Variants in SERPINA12 observed in about 807,000 individuals in gnomAD.
SERPINA12 encodes serpin family A member 12.
In SERPINA12, 21 loss-of-function variants were observed where a neutral mutation model predicts 25.9. The observed-to-expected ratio is 0.81, with a 90% CI of 0.58 to 1.17. The LOEUF is 1.17. Among genes scored for constraint, SERPINA12 ranks in the 50% most tolerant of loss-of-function variants. SERPINA12 has a pLI of 0.00. For missense variants in SERPINA12, 562 were observed against 508.3 expected (o/e 1.11, Z -1.02); for synonymous variants, 220 against 196.0 (o/e 1.12, Z -1.02).
chr14:94,496,778 C>T (rs2139851627), intron 2 of SERPINA12, 135 bp from the exon 3 acceptor site: 3 of 718,324 alleles, frequency 4.2e-6, no homozygotes, highest in Non-Finnish European at 6.9e-6. Context: ...AAGTCCTTGC[C>T]CTCATGCCAT....
chr14:94,492,712 AGCT>A (rs1340433533), intron 3 of SERPINA12, among the ~76,000 whole-genome samples: 4 of 152,226 alleles, frequency 2.6e-5, no homozygotes, highest in Non-Finnish European at 5.9e-5. Context: ...CACTAAGTGC[AGCT>A]GTGCTGACAG....
intron 4 of SERPINA12, among the ~76,000 whole-genome samples, chr14:94,489,153 A>G (rs906654632): frequency 8.8e-5 from 13 of 147,372 alleles, no homozygotes; most frequent in Admixed American, 6.8e-5. Context: ...GAGAGAGAGA[A>G]AGAAAGAAAG....
intron 1 of SERPINA12, among the ~76,000 whole-genome samples, chr14:94,500,240 T>C (rs1012908938): frequency 2.6e-5 from 4 of 152,240 alleles, no homozygotes; most frequent in African/African-American, 9.6e-5. Flanking sequence ...TACTGCTCAT[T>C]GCTCCTTCAG....
rs537180142 is a variant in SERPINA12, at chr14:94,503,380, A to G, written c.-33-4950T>C. The G allele has an allele frequency of 8.7e-6, 8 of 924,592 alleles. No individual in the cohort carries two copies. In the East Asian group the frequency reaches 8.2e-4, roughly 95 times the overall value. 57.3% of individuals were successfully genotyped at this position (924,592 alleles called of 1,614,324 possible). On this transcript the variant is annotated intron_variant, in intron 1 of 4. Coordinates refer to ENST00000677451, the MANE Select transcript of SERPINA12 (RefSeq NM_001382267.1). Reference sequence around the variant, plus strand: ...CTTCATTCCTTAAGAAATATGTTTGAGTCCTCACTCTGTGTCAGGCACTGG... The same window carrying G: ...CTTCATTCCTTAAGAAATATGTTTGGGTCCTCACTCTGTGTCAGGCACTGG...
At chr14:94,494,908 G>A (rs1210467743) in intron 3 of SERPINA12, among the ~76,000 whole-genome samples, 2 of 152,048 alleles carry the variant, frequency 1.3e-5, no homozygotes, top group Non-Finnish European at 2.9e-5. Flanking sequence ...GCCAGACTCT[G>A]CCAACCCTTC....
chr14:94,497,752 C>T lies in SERPINA12; in HGVS notation c.634+12G>A, dbSNP rs1900498568. On this transcript the variant is annotated intron_variant, in intron 2 of 4. Transcript: ENST00000677451. ...TCCTATTCTTTCCACACCAACATGC[C>T]AAAAGCCTTACCTCGAAAGAAAATA... The T allele has an allele frequency of 6.3e-7, 1 of 1,588,180 alleles. No individual in the cohort carries two copies.
intron 3 of SERPINA12, among the ~76,000 whole-genome samples, chr14:94,492,013 TGGA>T (rs1900197280): frequency 6.6e-6 from 1 of 152,012 alleles, no homozygotes; most frequent in South Asian, 2.1e-4. Context: ...CTCTGAGACC[TGGA>T]GGAGGAGAGG....
chr14:94,509,763 T>C (rs1472572157), upstream of SERPINA12, among the ~76,000 whole-genome samples: 1 of 152,112 alleles, frequency 6.6e-6, no homozygotes, highest in Admixed American at 6.5e-5. Context: ...AGGACCTGAG[T>C]GTTTGGCACC....
At position 94,505,821 on chromosome 14, in the gene SERPINA12, G is replaced by T. The variant is rs917924555; in HGVS notation, c.-34+3521C>A. ...GAGCGACACGGGCAGCACTGGGGATGCCTGAGTTCAGACAGTGCCAGAGGC... is the reference window on the plus strand; with the variant it reads ...GAGCGACACGGGCAGCACTGGGGATTCCTGAGTTCAGACAGTGCCAGAGGC... On this transcript the variant is annotated intron_variant, in intron 1 of 4. Coordinates refer to ENST00000677451, the MANE Select transcript of SERPINA12 (RefSeq NM_001382267.1). 8.2e-4 allele frequency among the ~76,000 whole-genome samples: 125 copies of T among 152,238 alleles called. 1 individual carries two copies. The highest frequency in any genetic ancestry group is 2.9e-3 in the African/African-American group (122 of 41,456).
chr14:94,510,656 A>T (rs139664874), upstream of SERPINA12, among the ~76,000 whole-genome samples: 1 of 152,158 alleles, frequency 6.6e-6, no homozygotes, highest in Non-Finnish European at 1.5e-5. Context: ...ACACATGCAC[A>T]CACATGTTGC....
intron 3 of SERPINA12, among the ~76,000 whole-genome samples, chr14:94,495,194 A>T (rs371188724): frequency 0.11 from 16,192 of 144,992 alleles, 1,002 homozygotes; most frequent in African/African-American, 0.16. Context: ...TCAGCCTCCC[A>T]AGTAGCTGGG....
Position 94,496,388 on chromosome 14 carries a change from GT to G in SERPINA12, c.889del (p.Thr297HisfsTer8). The G allele has an allele frequency of 1.2e-6, 2 of 1,614,184 alleles. No homozygotes were observed. Among genetic ancestry groups the G allele is most frequent in the Non-Finnish European group, 1.7e-6 (2 of 1,180,030 alleles). ...LQVDTFSRWKTLLSRRVVDVS... is the reference protein window; with the variant it reads ...LQVDTFSRWKXLLSRRVVDVS... ...CCCACTTTACCTGCGTGACAGTAAT[GT>G]TTTCCATCTGGAGAAAGTGTCCACC... On this transcript the variant is annotated frameshift_variant, in exon 3 of 5. Coordinates refer to ENST00000677451, the MANE Select transcript of SERPINA12 (RefSeq NM_001382267.1). LOFTEE classifies it high-confidence loss of function.
In SERPINA12 at chr14:94,505,819, A is replaced by T. The variant is rs552421233; in HGVS notation, c.-34+3523T>A. Among the ~76,000 whole-genome samples the T allele has an allele frequency of 3.9e-5, 6 of 152,284 alleles. No individual in the cohort carries two copies. The South Asian group carries it at 1.2e-3, about 32-fold the overall frequency. On this transcript the variant is annotated intron_variant, in intron 1 of 4. Transcript: ENST00000677451. ...CTGAGCGACACGGGCAGCACTGGGG[A>T]TGCCTGAGTTCAGACAGTGCCAGAG...
At chr14:94,509,159 A>T (rs182872100) in intron 1 of SERPINA12, among the ~76,000 whole-genome samples, 183 bp downstream of exon 1, 2 of 152,210 alleles carry the variant, frequency 1.3e-5, no homozygotes, top group African/African-American at 4.8e-5. Context: ...AGACCCATGG[A>T]ACTCTTGGCC....
Position 94,496,604 on chromosome 14 carries a change from T to A in SERPINA12, c.674A>T (p.Glu225Val), listed in dbSNP as rs1279586018. The change falls in exon 3 of 5, where the codon GAG becomes GTG. Residue 225 changes from glutamate (E) to valine (V), a missense_variant. Physicochemically the swap from Glu to Val is moderately radical, Grantham distance 121. Coordinates refer to ENST00000677451, the MANE Select transcript of SERPINA12 (RefSeq NM_001382267.1). ...GTTTTTCTCCAGAAAGAAATCTTCC[T>A]CTTTAGTTACATTTGGATCAAACTC... Reference protein sequence around the residue: ...KHEFDPNVTKEEDFFLEKNSS... With the variant: ...KHEFDPNVTKVEDFFLEKNSS... 6.2e-7 allele frequency: 1 copy of A among 1,613,956 alleles called. No individual in the cohort carries two copies. Among genetic ancestry groups the A allele is most frequent in the African/African-American group, 1.3e-5 (1 of 74,936 alleles).
At chr14:94,505,706 A>T (rs1029807355) in intron 1 of SERPINA12, among the ~76,000 whole-genome samples, 3 of 152,184 alleles carry the variant, frequency 2.0e-5, no homozygotes, top group African/African-American at 7.2e-5. Context: ...TCTGAGGGCC[A>T]TGCCTCCCTG....
At chr14:94,500,044 T>G (rs1337523536) in intron 1 of SERPINA12, among the ~76,000 whole-genome samples, 1 of 152,202 alleles carries the variant, frequency 6.6e-6, no homozygotes, top group Non-Finnish European at 1.5e-5. Context: ...CTCCCATGCC[T>G]GGCTCTTTCT....
At chr14:94,517,585 T>A (rs1160104821) in exon 1 of SERPINA12, 1 of 152,144 alleles carries the variant, frequency 6.6e-6, no homozygotes, top group African/African-American at 2.4e-5. Context: ...CTGATATTTT[T>A]AAAAAACCTC....
intron 1 of SERPINA12, among the ~76,000 whole-genome samples, chr14:94,502,078 C>G (rs1435758784): frequency 6.8e-6 from 1 of 147,416 alleles, no homozygotes; most frequent in Non-Finnish European, 1.5e-5. Context: ...GGCTGTGACT[C>G]AAAATAAATA....
Sources: gnomAD v4.1 joint callset for allele counts (sites outside exome capture counted in the v4.1 genomes callset) on GRCh38, gnomAD v4.1.1 for gene constraint, MANE v1.5 for transcripts, NCBI Gene and HGNC (gene_info 2026-07-23, HGNC 2026-07-21) for gene names.